ROBO1: variants seen among roughly 807,000 people sequenced by gnomAD.
The protein encoded by ROBO1 is roundabout guidance receptor 1.
Under a neutral mutation model 195.9 loss-of-function variants are expected in ROBO1, and 149 were observed. The ratio of observed to expected loss-of-function variants is 0.76; its 90% CI spans 0.67 to 0.87. The LOEUF is 0.87. Among genes scored for constraint, ROBO1 ranks in the 40% least tolerant of loss-of-function variants. ROBO1 has a pLI of 0.00. For synonymous variants in ROBO1, 816 were observed against 733.2 expected, an observed-to-expected ratio of 1.11 and a Z score of -1.82; for missense variants, 1,933 against 2,068.3, an observed-to-expected ratio of 0.93 and a Z score of 1.27.
Position 79,073,803 on chromosome 3 carries a change from T to TA in ROBO1, c.172+51652dup, listed in dbSNP as rs144080825. Among the ~76,000 whole-genome samples, 669 of 151,756 alleles carry TA rather than the reference T, an allele frequency of 4.4e-3. 3 individuals carry two copies. Among genetic ancestry groups the TA allele is most frequent in the Non-Finnish European group, 8.2e-3 (558 of 67,878 alleles). Reference sequence around the variant, plus strand: ...ATAGATCATCGGAAAATGGCAGAGATACAGTGAATGTGACAGTATGTTTGC... The same window carrying TA: ...ATAGATCATCGGAAAATGGCAGAGATAACAGTGAATGTGACAGTATGTTTGC... On this transcript the variant is annotated intron_variant, in intron 3 of 30. Coordinates refer to ENST00000464233, the MANE Select transcript of ROBO1 (RefSeq NM_002941.4).
chr3:79,638,362 A>G (rs1157086186), intron 1 of ROBO1, among the ~76,000 whole-genome samples: 1 of 152,166 alleles, frequency 6.6e-6, no homozygotes, highest in African/African-American at 2.4e-5. Flanking sequence ...AACCATATGT[A>G]TATTCTTAAT....
chr3:79,148,149 T>C (rs999548550), intron 2 of ROBO1, among the ~76,000 whole-genome samples: 2 of 151,830 alleles, frequency 1.3e-5, no homozygotes, highest in South Asian at 4.1e-4. Context: ...TTGAGAGTCA[T>C]ATGGGGCATT....
intron 3 of ROBO1, among the ~76,000 whole-genome samples, chr3:78,957,433 A>G (rs564697768): frequency 6.6e-6 from 1 of 152,284 alleles, no homozygotes; most frequent in African/African-American, 2.4e-5. Context: ...CACTTAATCA[A>G]TGCATATGCA....
chr3:79,028,633 A>G (rs1259964997), intron 3 of ROBO1, among the ~76,000 whole-genome samples: 2 of 151,996 alleles, frequency 1.3e-5, no homozygotes, highest in Non-Finnish European at 2.9e-5. Flanking sequence ...ACAATTTATT[A>G]AATTACTCAA....
At chr3:79,399,799 T>G (rs2037295303) in intron 2 of ROBO1, among the ~76,000 whole-genome samples, 1 of 152,176 alleles carries the variant, frequency 6.6e-6, no homozygotes, top group African/African-American at 2.4e-5. Flanking sequence ...ATTTTCCCAC[T>G]TGTAGACATT....
intron 2 of ROBO1, among the ~76,000 whole-genome samples, chr3:79,582,462 C>T (rs1411195061): frequency 6.6e-6 from 1 of 151,652 alleles, no homozygotes; most frequent in East Asian, 1.9e-4. Context: ...AGTTTTCATT[C>T]ACAGAGAAGG....
At chr3:78,645,333 T>C (rs1235894201) in intron 21 of ROBO1, among the ~76,000 whole-genome samples, 1 of 152,010 alleles carries the variant, frequency 6.6e-6, no homozygotes, top group Non-Finnish European at 1.5e-5. Context: ...GTAGCAGTCA[T>C]GTTATACAGC....
At chr3:79,081,852 A>G (rs1484386231) in intron 3 of ROBO1, among the ~76,000 whole-genome samples, 1 of 152,216 alleles carries the variant, frequency 6.6e-6, no homozygotes, top group African/African-American at 2.4e-5. Context: ...TGCAACGTCA[A>G]GAAAATTTAT....
At chr3:79,519,233 A>C (rs1308277290) in intron 2 of ROBO1, among the ~76,000 whole-genome samples, 1 of 152,094 alleles carries the variant, frequency 6.6e-6, no homozygotes, top group African/African-American at 2.4e-5. Context: ...GGCGCTGAAA[A>C]TTTCAGCTCA....
chr3:78,968,390 G>C (rs1300915062), intron 3 of ROBO1, among the ~76,000 whole-genome samples: 1 of 148,522 alleles, frequency 6.7e-6, no homozygotes, highest in Non-Finnish European at 1.5e-5. Context: ...TTCTCCTCCC[G>C]AATAGCTGGG....
chr3:78,801,908 G>C (rs150510094), intron 4 of ROBO1, among the ~76,000 whole-genome samples: 1 of 152,150 alleles, frequency 6.6e-6, no homozygotes, highest in African/African-American at 2.4e-5. Flanking sequence ...TGACAATTTT[G>C]TAGGGCTTGT....
intron 2 of ROBO1, among the ~76,000 whole-genome samples, chr3:79,464,345 A>G (rs1937830086): frequency 6.6e-6 from 1 of 152,242 alleles, no homozygotes; most frequent in South Asian, 2.1e-4. Flanking sequence ...ACTGCCAAAC[A>G]GTTTTCCAAA....
At chr3:79,288,638 T>C (rs1415803061) in intron 2 of ROBO1, among the ~76,000 whole-genome samples, 1 of 152,174 alleles carries the variant, frequency 6.6e-6, no homozygotes, top group Non-Finnish European at 1.5e-5. Flanking sequence ...AATCTTTCCT[T>C]ACATTCAAAA....
At chr3:79,712,547 A>G (rs1702317588) in intron 1 of ROBO1, among the ~76,000 whole-genome samples, 1 of 152,160 alleles carries the variant, frequency 6.6e-6, no homozygotes, top group Non-Finnish European at 1.5e-5. Context: ...AGTTGTCTGC[A>G]TAACATAAAA....
intron 2 of ROBO1, among the ~76,000 whole-genome samples, chr3:79,334,169 G>A (rs2034561582): frequency 6.6e-6 from 1 of 151,742 alleles, no homozygotes. Flanking sequence ...GCCGGGCGTG[G>A]TGGTGCACCT....
At chr3:79,279,794 T>C (rs545238587) in intron 2 of ROBO1, among the ~76,000 whole-genome samples, 10 of 151,596 alleles carry the variant, frequency 6.6e-5, no homozygotes, top group African/African-American at 2.4e-4. Context: ...CATTTGTGTG[T>C]CATAGGTGTC....
Position 79,242,363 on chromosome 3 carries a change from C to A in ROBO1, c.89-116824G>T, listed in dbSNP as rs528614217. Among the ~76,000 whole-genome samples, 6 of 152,110 alleles carry A rather than the reference C, an allele frequency of 3.9e-5. No individual in the cohort carries two copies. In the South Asian group the frequency reaches 8.3e-4, roughly 21 times the overall value. On this transcript the variant is annotated intron_variant, in intron 2 of 30. Coordinates refer to ENST00000464233, the MANE Select transcript of ROBO1 (RefSeq NM_002941.4). ...CTGTATTCTCCACTTAAAAAAAAAT[C>A]TATTAAGGGCCTGGGCCTCCTATAT...
At chr3:78,626,990 C>T (rs1418965389) in intron 26 of ROBO1, among the ~76,000 whole-genome samples, 3 of 152,080 alleles carry the variant, frequency 2.0e-5, no homozygotes, top group Non-Finnish European at 4.4e-5. Flanking sequence ...AAAAGGAACA[C>T]TAAAGTACAA....
chr3:79,059,321 C>A (rs909106237), intron 3 of ROBO1, among the ~76,000 whole-genome samples: 6 of 152,134 alleles, frequency 3.9e-5, no homozygotes, highest in African/African-American at 1.4e-4. Context: ...GGCAGAAAAT[C>A]TTTCTAGACT....
Sources: gnomAD v4.1 joint callset for allele counts (sites outside exome capture counted in the v4.1 genomes callset) on GRCh38, gnomAD v4.1.1 for gene constraint, MANE v1.5 for transcripts, NCBI Gene and HGNC (gene_info 2026-07-23, HGNC 2026-07-21) for gene names.